Variants in NEK9 observed in about 807,000 individuals in gnomAD.
NEK9 encodes the protein serine/threonine-protein kinase Nek9.
Under a neutral mutation model 123.4 loss-of-function variants are expected in NEK9, and 75 were observed. That is an observed-to-expected ratio of 0.61 (90% CI 0.50 to 0.74). NEK9 has a LOEUF of 0.74. Ranked by LOEUF, NEK9 falls within the 30% of genes least tolerant of loss-of-function variation. NEK9 has a pLI of 0.00. For missense variants in NEK9, 952 were observed against 1,214.4 expected (o/e 0.78, Z 3.21); for synonymous variants, 438 against 458.7 (o/e 0.95, Z 0.58).
rs199897286 is a variant in NEK9, at chr14:75,084,558, A to G, written c.*6T>C. The G allele has an allele frequency of 6.2e-7, 1 of 1,614,054 alleles. No homozygotes were observed. Among genetic ancestry groups the G allele is most frequent in the East Asian group, 2.2e-5 (1 of 44,880 alleles). The stretch of plus-strand genomic sequence containing the variant: ...AGTCTCCTGGGGGCTCTACAGGCTC[A>G]GGAGACTAGAGGCTGGGTCTACAGG... On this transcript the variant is annotated 3_prime_UTR_variant, in exon 22 of 22. Coordinates refer to ENST00000238616, the MANE Select transcript of NEK9 (RefSeq NM_033116.6).
At chr14:75,121,601 C>A (rs750236143) in intron 2 of NEK9, among the ~76,000 whole-genome samples, 2 of 152,234 alleles carry the variant, frequency 1.3e-5, no homozygotes, top group Non-Finnish European at 2.9e-5. Flanking sequence ...ATAATCCCAG[C>A]ACTTTGGGAG....
At chr14:75,110,573 A>G (rs1566654124) in intron 8 of NEK9, among the ~76,000 whole-genome samples, 3 of 152,102 alleles carry the variant, frequency 2.0e-5, no homozygotes. Flanking sequence ...AAATACCCAA[A>G]GGCCAGCAGT....
At chr14:75,085,509 A>G (rs1476754838) in intron 21 of NEK9, among the ~76,000 whole-genome samples, 1 of 152,222 alleles carries the variant, frequency 6.6e-6, no homozygotes, top group Non-Finnish European at 1.5e-5. Flanking sequence ...TGGCTCTCGA[A>G]AAATAATGCA....
chr14:75,102,842 A>C (rs1279685896), intron 14 of NEK9, among the ~76,000 whole-genome samples: 2 of 152,188 alleles, frequency 1.3e-5, no homozygotes, highest in Non-Finnish European at 2.9e-5. Context: ...ATTAACACAA[A>C]AAGGAAACTA....
chr14:75,109,557 C>A, intron 10 of NEK9, 128 bp downstream of exon 10: 1 of 790,158 alleles, frequency 1.3e-6, no homozygotes, highest in Non-Finnish European at 2.0e-6. Flanking sequence ...CTTATAAGAG[C>A]TTCCATTCCA....
chr14:75,084,711 C>T (rs1400654251), intron 21 of NEK9, 25 bp from the exon 22 acceptor site: 3 of 1,613,734 alleles, frequency 1.9e-6, no homozygotes, highest in East Asian at 2.2e-5. Context: ...CACGGTTCCA[C>T]ATTAGCAACA....
At chr14:75,086,933 C>A in intron 21 of NEK9, 85 bp downstream of exon 21, 2 of 1,372,044 alleles carry the variant, frequency 1.5e-6, no homozygotes, top group Admixed American at 1.7e-5. Context: ...TGCAAAGGAA[C>A]AAGTCTATTT....
chr14:75,117,138 C>A, intron 6 of NEK9, 57 bp downstream of exon 6: 1 of 1,566,922 alleles, frequency 6.4e-7, no homozygotes, highest in South Asian at 1.2e-5. Flanking sequence ...TCTGCTTAGT[C>A]AAGCTGTACC....
intron 7 of NEK9, 102 bp from the exon 8 acceptor site, chr14:75,113,505 T>A: frequency 1.2e-6 from 1 of 819,456 alleles, no homozygotes; most frequent in Non-Finnish European, 2.0e-6. Context: ...CCTTTTGTTT[T>A]AAAAATCATT....
chr14:75,091,417 A>G lies in NEK9; in HGVS notation c.2295T>C (p.Ser765=). The change falls in exon 19 of 22, where the codon AGT becomes AGC. Residue 765 remains serine, a synonymous_variant. Coordinates refer to ENST00000238616, the MANE Select transcript of NEK9 (RefSeq NM_033116.6). The stretch of plus-strand genomic sequence containing the variant: ...GGTCAGGAGTTTCAGATTCCTGCTG[A>G]CTGTCCTCTTCTTCACCACCGCCGC... The part of the protein sequence containing the change: ...GGGGGGEEED[S]QQESETPDPS... 2 of 1,612,956 alleles carry G rather than the reference A, an allele frequency of 1.2e-6. No homozygotes were observed. Among genetic ancestry groups the G allele is most frequent in the East Asian group, 2.2e-5 (1 of 44,838 alleles).
At chr14:75,127,122 C>T (rs547681256), upstream of NEK9, 102 of 522,714 alleles carry the variant, frequency 2.0e-4, no homozygotes, top group African/African-American at 2.0e-3. Flanking sequence ...CTTTGCTTAC[C>T]CTCTTGGCTA....
Position 75,087,695 on chromosome 14 carries a change from A to C in NEK9, c.2605-465T>G, listed in dbSNP as rs927942864. Among the ~76,000 whole-genome samples the C allele has an allele frequency of 5.3e-5, 8 of 152,268 alleles. No homozygotes were observed. In the South Asian group the frequency reaches 1.4e-3, roughly 28 times the overall value. The stretch of plus-strand genomic sequence containing the variant: ...AATTTAAGAAGGTGAACTGACAGAG[A>C]AATTAAAACATTCACCTTGAAGTTT... On this transcript the variant is annotated intron_variant, in intron 20 of 21. Transcript: ENST00000238616.
Position 75,126,783 on chromosome 14 carries a change from GC to G in NEK9, c.138del (p.Glu46AspfsTer40). The G allele has an allele frequency of 6.5e-7, 1 of 1,531,264 alleles. No individual in the cohort carries two copies. The highest frequency in any genetic ancestry group is 8.8e-7 in the Non-Finnish European group (1 of 1,139,960). The allele number at this position is 1,531,264 out of a possible 1,614,324, so 94.9% of individuals were successfully genotyped here. ...QGPRAGGGAA[E>X]QEELHYIPIR... ...ATGGGGATGTAGTGCAGTTCCTCCTGCTCCGCCGCGCCGCCGCCGGCTCGCG... is the reference window on the plus strand; with the variant it reads ...ATGGGGATGTAGTGCAGTTCCTCCTGTCCGCCGCGCCGCCGCCGGCTCGCG... On this transcript the variant is annotated frameshift_variant, in exon 1 of 22. Coordinates refer to ENST00000238616, the MANE Select transcript of NEK9 (RefSeq NM_033116.6). LOFTEE classifies it high-confidence loss of function.
At chr14:75,097,447 T>C (rs1476092291) in intron 16 of NEK9, among the ~76,000 whole-genome samples, 177 bp from the exon 17 acceptor site, 1 of 152,224 alleles carries the variant, frequency 6.6e-6, no homozygotes, top group East Asian at 1.9e-4. Context: ...TGGGTAAAAA[T>C]GCCCACTCTT....
Position 75,126,812 on chromosome 14 carries a change from C to T in NEK9, c.110G>A (p.Gly37Glu). 1.3e-6 allele frequency: 2 copies of T among 1,533,160 alleles called. No homozygotes were observed. The highest frequency in any genetic ancestry group is 1.8e-6 in the Non-Finnish European group (2 of 1,140,602). The allele number at this position is 1,533,160 out of a possible 1,614,324, so 95.0% of individuals were successfully genotyped here. Residue 37 changes from glycine (G) to glutamate (E), a missense_variant, in exon 1 of 22, where the codon GGG (glycine) becomes GAG (glutamate). Physicochemically the swap from Gly to Glu is moderately conservative, Grantham distance 98 (BLOSUM62 -2). Around this residue, in one of 4 missense-constraint regions of NEK9, gnomAD observed 120 missense variants for 97.6 expected, o/e 1.23. Transcript: ENST00000238616. ...DSSPGPSASQ[G>E]PRAGGGAAEQ... Reference sequence around the variant, plus strand: ...CGCCGCGCCGCCGCCGGCTCGCGGCCCCTGACTGGCGCTAGGCCCCGGACT... The same window carrying T: ...CGCCGCGCCGCCGCCGGCTCGCGGCTCCTGACTGGCGCTAGGCCCCGGACT...
intron 19 of NEK9, among the ~76,000 whole-genome samples, chr14:75,089,667 C>T (rs1340813432): frequency 6.6e-6 from 1 of 151,982 alleles, no homozygotes; most frequent in Non-Finnish European, 1.5e-5. Flanking sequence ...TCCCAGGTAG[C>T]TGGGATTACA....
rs762726635 is a variant in NEK9, at chr14:75,101,150, C to G, written c.1844G>C (p.Arg615Pro). Residue 615 changes from arginine (R) to proline (P), a missense_variant, in exon 16 of 22, where the codon CGA becomes CCA. By Grantham distance (103) the Arg-to-Pro change is moderately radical. Around this residue, in one of 4 missense-constraint regions of NEK9, gnomAD observed 698 missense variants for 875.6 expected, o/e 0.80. Transcript: ENST00000238616. ...GCAGCCAAAGGTCAGCAGCCGGCCT[C>G]GCTCTGAGAGAGAAGCAAAAAGAAA... is the stretch of plus-strand genomic sequence containing the variant. ...GKTHTAAIDE[R>P]GRLLTFGCNK... 1.1e-5 allele frequency: 18 copies of G among 1,613,672 alleles called. No individual in the cohort carries two copies. The highest frequency in any genetic ancestry group is 2.7e-5 in the African/African-American group (2 of 74,916).
chr14:75,122,954 C>T (rs1488149489), intron 2 of NEK9, among the ~76,000 whole-genome samples: 1 of 151,918 alleles, frequency 6.6e-6, no homozygotes, highest in African/African-American at 2.4e-5. Context: ...GCACACCACC[C>T]AGCTAATTTT....
At chr14:75,119,229 G>C (rs1236749210) in intron 4 of NEK9, among the ~76,000 whole-genome samples, 1 of 151,896 alleles carries the variant, frequency 6.6e-6, no homozygotes, top group African/African-American at 2.4e-5. Flanking sequence ...CCGAGAATCA[G>C]TTGAGCCCAG....
Sources: allele counts gnomAD v4.1 joint callset (sites outside exome capture counted in the v4.1 genomes callset), GRCh38; gene constraint gnomAD v4.1.1; regional missense constraint gnomAD v4.1.1; transcripts MANE v1.5; gene names NCBI Gene and HGNC (gene_info 2026-07-23, HGNC 2026-07-21).